Variants in CRHR1 observed in about 807,000 individuals in gnomAD.
CRHR1 encodes the protein corticotropin-releasing hormone receptor 1.
CRHR1 carries 28 observed loss-of-function variants against 56.0 expected under a neutral mutation model. That is an observed-to-expected ratio of 0.50 (90% CI 0.37 to 0.69). The LOEUF (loss-of-function observed/expected upper bound fraction) is 0.69. Among genes scored for constraint, CRHR1 ranks in the 30% least tolerant of loss-of-function variants. The probability of loss-of-function intolerance (pLI) is 0.00; values close to 1 mark genes in which losing one functional copy is unlikely to be tolerated. For missense variants in CRHR1, 376 were observed against 548.0 expected, an observed-to-expected ratio of 0.69 and a Z score of 3.13; for synonymous variants, 195 against 216.5, an observed-to-expected ratio of 0.90 and a Z score of 0.87.
At chr17:45,803,155 G>A (rs1381214414) in intron 1 of CRHR1, among the ~76,000 whole-genome samples, 1 of 152,110 alleles carries the variant, frequency 6.6e-6, no homozygotes, top group African/African-American at 2.4e-5. Context: ...GTGGGGGGTG[G>A]CACAGACTGC....
rs1202252640 is a variant in CRHR1 at position 45,784,333 on chromosome 17, C to CAG, written c.-210_-209dup. ...CCGGGCTGCGTCGGGAAACGGCGGC[C>CAG]AGACTTCCCCGGGAAGGGGCGAGCG... On this transcript the variant is annotated 5_prime_UTR_variant, in exon 1 of 13. Coordinates refer to ENST00000314537, the MANE Select transcript of CRHR1 (RefSeq NM_004382.5). This position sits in a 1 kb window ranked among gnomAD's most constrained non-coding sequence, Gnocchi z 4.2. 28 of 295,622 alleles carry CAG rather than the reference C, an allele frequency of 9.5e-5. No individual in the cohort carries two copies. In the South Asian group the frequency reaches 3.6e-3, roughly 38 times the overall value. The allele number at this position is 295,622 out of a possible 1,614,324, so 18.3% of individuals were successfully genotyped here. A position where few individuals can be genotyped will look rare whatever the true frequency, so the allele number is the denominator to read the frequency against.
rs1429138480 is a variant in CRHR1, at chr17:45,801,613, A to G, written c.34-5397A>G. On this transcript the variant is annotated intron_variant, in intron 1 of 12. Transcript: ENST00000314537. ...AGGCTGTGCACGGAAGTGAGGCATT[A>G]GCCAGTGAGTGAACCTCGTGCTCTG... Among the ~76,000 whole-genome samples the G allele has an allele frequency of 2.6e-5, 4 of 152,234 alleles. No individual in the cohort carries two copies. The East Asian group carries it at 5.8e-4, about 22-fold the overall frequency.
In CRHR1 at chr17:45,784,958, G is replaced by T. The variant is rs1462850642; in HGVS notation, c.33+381G>T. 6.6e-6 allele frequency among the ~76,000 whole-genome samples: 1 copy of T among 152,092 alleles called. No individual in the cohort carries two copies. The highest frequency in any genetic ancestry group is 1.5e-5 in the Non-Finnish European group (1 of 68,004). On this transcript the variant is annotated intron_variant, in intron 1 of 12. Transcript: ENST00000314537. The surrounding 1 kb of genome is among the most constrained non-coding windows in gnomAD (Gnocchi z 4.2). Reference sequence around the variant, plus strand: ...CCCGGGACTGGAGACTCTGAAGCGGGGTTCCCACCTCGCCCCAGCGCCCCC... The same window carrying T: ...CCCGGGACTGGAGACTCTGAAGCGGTGTTCCCACCTCGCCCCAGCGCCCCC...
At chr17:45,822,068 C>T (rs750299659) in intron 4 of CRHR1, among the ~76,000 whole-genome samples, 5 of 152,018 alleles carry the variant, frequency 3.3e-5, no homozygotes, top group Non-Finnish European at 5.9e-5. Flanking sequence ...TCCGCATACA[C>T]GAGTAATTTT....
intron 4 of CRHR1, among the ~76,000 whole-genome samples, chr17:45,823,093 C>T (rs1377282766): frequency 2.7e-5 from 4 of 148,588 alleles, no homozygotes; most frequent in African/African-American, 9.9e-5. Context: ...GCAGTGAGCC[C>T]AGATCGCGCC....
At chr17:45,830,641 G>A in intron 7 of CRHR1, 71 bp downstream of exon 7, 1 of 1,531,922 alleles carries the variant, frequency 6.5e-7, no homozygotes, top group South Asian at 1.2e-5. Flanking sequence ...CCAGACTCAG[G>A]CCAGCGGGCT....
At chr17:45,818,463 C>T (rs1166938945) in intron 3 of CRHR1, among the ~76,000 whole-genome samples, 1 of 152,262 alleles carries the variant, frequency 6.6e-6, no homozygotes, top group African/African-American at 2.4e-5. Context: ...CCAGCTGCAT[C>T]TGCAGCTGGT....
chr17:45,786,538 G>A (rs2061339368), intron 1 of CRHR1, among the ~76,000 whole-genome samples: 1 of 152,086 alleles, frequency 6.6e-6, no homozygotes, highest in Non-Finnish European at 1.5e-5. Context: ...CTAAGTAACT[G>A]GTTCAAGGTC....
intron 1 of CRHR1, among the ~76,000 whole-genome samples, chr17:45,791,813 A>ATT (rs2061429555): frequency 7.0e-6 from 1 of 143,728 alleles, no homozygotes; most frequent in Non-Finnish European, 1.5e-5. Flanking sequence ...CTCAGTGGGC[A>ATT]TTTTTTTCTC....
chr17:45,830,711 C>A, intron 7 of CRHR1, 141 bp downstream of exon 7: 1 of 1,238,250 alleles, frequency 8.1e-7, no homozygotes, highest in Non-Finnish European at 1.1e-6. Flanking sequence ...TAGCCCTCTG[C>A]TCCTCTTGGG....
intron 2 of CRHR1, among the ~76,000 whole-genome samples, chr17:45,811,357 T>C (rs1056717753): frequency 1.3e-5 from 2 of 152,206 alleles, no homozygotes; most frequent in Non-Finnish European, 2.9e-5. Flanking sequence ...ACACCTCTCC[T>C]CTGCTCTCCC....
In CRHR1 at chr17:45,835,005, A is replaced by G. The variant is rs368710502; in HGVS notation, c.*241A>G. 7 of 565,350 alleles carry G rather than the reference A, an allele frequency of 1.2e-5. No individual in the cohort carries two copies. In the African/African-American group the frequency reaches 1.3e-4, roughly 11 times the overall value. The allele number at this position is 565,350 out of a possible 1,614,324, so 35.0% of individuals were successfully genotyped here. A position where few individuals can be genotyped will look rare whatever the true frequency, so the allele number is the denominator to read the frequency against. On this transcript the variant is annotated 3_prime_UTR_variant, in exon 13 of 13. Transcript: ENST00000314537. ...CCAGGGCCTCTGGCTTCCCTGCCCAATCCTCCCTGGAGAAGGGACATGGGA... is the reference window on the plus strand; with the variant it reads ...CCAGGGCCTCTGGCTTCCCTGCCCAGTCCTCCCTGGAGAAGGGACATGGGA...
At chr17:45,786,040 G>A (rs1598388593) in intron 1 of CRHR1, among the ~76,000 whole-genome samples, 1 of 152,168 alleles carries the variant, frequency 6.6e-6, no homozygotes, top group Admixed American at 6.5e-5. Context: ...CGCGTGTACC[G>A]AAGCCTGGTC....
At chr17:45,831,307 T>C (rs140321003) in intron 8 of CRHR1, among the ~76,000 whole-genome samples, 1 of 152,382 alleles carries the variant, frequency 6.6e-6, no homozygotes. Context: ...TGTGGGGTGA[T>C]ATGAGTCCAT....
Position 45,817,726 on chromosome 17 carries a change from A to G in CRHR1, c.241+1144A>G, listed in dbSNP as rs573341646. On this transcript the variant is annotated intron_variant, in intron 3 of 12. Transcript: ENST00000314537. ...CCAGGGCAGGGCAGGAGGCTGGGGC[A>G]GCCAGATCTAGCAGCCTCGTGTGTC... Among the ~76,000 whole-genome samples, 28 of 152,318 alleles carry G rather than the reference A, an allele frequency of 1.8e-4. No homozygotes were observed. In the East Asian group the frequency reaches 5.4e-3, roughly 29 times the overall value.
chr17:45,808,716 A>T (rs771375519), intron 2 of CRHR1, among the ~76,000 whole-genome samples: 36 of 152,218 alleles, frequency 2.4e-4, no homozygotes, highest in Non-Finnish European at 4.1e-4. Flanking sequence ...TGGCACAATC[A>T]TAGTTTAGTG....
chr17:45,822,059 C>T (rs2062053554), intron 4 of CRHR1, among the ~76,000 whole-genome samples: 1 of 151,732 alleles, frequency 6.6e-6, no homozygotes, highest in Non-Finnish European at 1.5e-5. Flanking sequence ...GAGACATTCT[C>T]CGCATACACG....
At chr17:45,794,056 C>T (rs776321515) in intron 1 of CRHR1, among the ~76,000 whole-genome samples, 1 of 152,194 alleles carries the variant, frequency 6.6e-6, no homozygotes, top group Non-Finnish European at 1.5e-5. Flanking sequence ...AGCCAGGCAT[C>T]ACACTCTGTC....
rs757684261 is a variant in CRHR1 at position 45,834,782 on chromosome 17, C to T, written c.*18C>T. 6.2e-7 allele frequency: 1 copy of T among 1,613,300 alleles called. No homozygotes were observed. Among genetic ancestry groups the T allele is most frequent in the Non-Finnish European group, 8.5e-7 (1 of 1,179,872 alleles). ...CAGTCTGAGCTGGCAGGTCATGGAG[C>T]AGCCCCCAAAGAGCTGTGGCTGGGG... On this transcript the variant is annotated 3_prime_UTR_variant, in exon 13 of 13. Transcript: ENST00000314537.
Sources: gnomAD v4.1 joint callset for allele counts (sites outside exome capture counted in the v4.1 genomes callset) on GRCh38, gnomAD v4.1.1 for gene constraint, Gnocchi (gnomAD v3.1) non-coding constraint, MANE v1.5 for transcripts, NCBI Gene and HGNC (gene_info 2026-07-23, HGNC 2026-07-21) for gene names.